The following NDFIP2 variants were observed in gnomAD, a reference collection of about 807,000 sequenced individuals.
NDFIP2 encodes Nedd4 family interacting protein 2, also known as NEDD4 family-interacting protein 2.
Under a neutral mutation model 36.0 loss-of-function variants are expected in NDFIP2, and 19 were observed. That is an observed-to-expected ratio of 0.53 (90% CI 0.37 to 0.77). NDFIP2 has a LOEUF of 0.77. Among genes scored for constraint, NDFIP2 ranks in the 30% least tolerant of loss-of-function variants. NDFIP2 has a pLI of 0.00. For synonymous variants in NDFIP2, 181 were observed against 167.7 expected, an observed-to-expected ratio of 1.08 and a Z score of -0.61; for missense variants, 446 against 435.8, an observed-to-expected ratio of 1.02 and a Z score of -0.21.
At position 79,481,230 on chromosome 13, in the gene NDFIP2, C is replaced by T; in HGVS notation, c.27C>T (p.Val9=). 2.6e-6 allele frequency: 4 copies of T among 1,521,832 alleles called. No homozygotes were observed. Among genetic ancestry groups the T allele is most frequent in the Non-Finnish European group, 3.5e-6 (4 of 1,140,334 alleles). 94.3% of individuals were successfully genotyped at this position (1,521,832 alleles called of 1,614,324 possible). A position where few individuals can be genotyped will look rare whatever the true frequency, so the allele number is the denominator to read the frequency against. Reference sequence around the variant, plus strand: ...TGGCACGCCGGCGGAGCCAGCGAGTCTGCGCGAGCGGTCCGAGCATGCTCA... The same window carrying T: ...TGGCACGCCGGCGGAGCCAGCGAGTTTGCGCGAGCGGTCCGAGCATGCTCA... MARRRSQR[V]CASGPSMLNS... Residue 9 remains valine (V), a synonymous_variant, in exon 1 of 8, where the codon GTC becomes GTT. Transcript: ENST00000218652.
intron 2 of NDFIP2, among the ~76,000 whole-genome samples, chr13:79,526,394 ATGT>A (rs1022448621): frequency 2.6e-5 from 4 of 152,320 alleles, no homozygotes; most frequent in Admixed American, 2.6e-4. Context: ...CTAGAAATAA[ATGT>A]TGTAAATCAA....
intron 1 of NDFIP2, among the ~76,000 whole-genome samples, chr13:79,491,738 G>GT (rs1432654299): frequency 3.3e-5 from 5 of 152,082 alleles, no homozygotes; most frequent in African/African-American, 1.2e-4. Flanking sequence ...TTCTACTGAC[G>GT]TTTAGTCAAT....
Position 79,499,534 on chromosome 13 carries a change from AG to A in NDFIP2, c.321+18011del, listed in dbSNP as rs1162051981. On this transcript the variant is annotated intron_variant, in intron 1 of 7. Coordinates refer to ENST00000218652, the MANE Select transcript of NDFIP2 (RefSeq NM_019080.3). ...CTGGAACTAATAAGTGATTATAGCA[AG>A]ATTGCAGGATAAATGGTTAATATAC... Among the ~76,000 whole-genome samples the A allele has an allele frequency of 3.3e-5, 5 of 152,132 alleles. No individual in the cohort carries two copies. The East Asian group carries it at 9.7e-4, about 29-fold the overall frequency.
In NDFIP2 at chr13:79,553,915, C is replaced by G. The variant is rs1313559693; in HGVS notation, c.*1402C>G. The G allele has an allele frequency of 6.6e-6, 1 of 151,566 alleles. No homozygotes were observed. The highest frequency in any genetic ancestry group is 1.5e-5 in the Non-Finnish European group (1 of 67,492). The allele number at this position is 151,566 out of a possible 1,614,324, so 9.4% of individuals were successfully genotyped here. On this transcript the variant is annotated 3_prime_UTR_variant, in exon 8 of 8. Transcript: ENST00000218652. Reference sequence around the variant, plus strand: ...AATTATTTAATACAGCTATATGGACCTTATAAAATTGATTTCTTATTTATT... The same window carrying G: ...AATTATTTAATACAGCTATATGGACGTTATAAAATTGATTTCTTATTTATT...
chr13:79,553,176 A>C lies in NDFIP2; in HGVS notation c.*663A>C, dbSNP rs1247198468. 1 of 151,474 alleles carries C rather than the reference A, an allele frequency of 6.6e-6. No homozygotes were observed. The highest frequency in any genetic ancestry group is 1.9e-4 in the East Asian group (1 of 5,196). 9.4% of individuals were successfully genotyped at this position (151,474 alleles called of 1,614,324 possible). A position where few individuals can be genotyped will look rare whatever the true frequency, so the allele number is the denominator to read the frequency against. ...ACTAATTTTAAATTAAGTGAACTAA[A>C]TATATATGTGTATATGTATACACAT... is the stretch of plus-strand genomic sequence containing the variant. On this transcript the variant is annotated 3_prime_UTR_variant, in exon 8 of 8. Transcript: ENST00000218652.
chr13:79,506,330 C>G (rs1873867389), intron 1 of NDFIP2, among the ~76,000 whole-genome samples: 1 of 152,164 alleles, frequency 6.6e-6, no homozygotes, highest in African/African-American at 2.4e-5. Flanking sequence ...CACACAGACA[C>G]AACTCTGTTA....
At chr13:79,499,685 A>G (rs146423040) in intron 1 of NDFIP2, among the ~76,000 whole-genome samples, 58 of 152,126 alleles carry the variant, frequency 3.8e-4, no homozygotes, top group African/African-American at 1.3e-3. Context: ...GACAAGATCT[A>G]TATGAGGAAA....
At chr13:79,512,160 T>C (rs1345378056) in intron 1 of NDFIP2, among the ~76,000 whole-genome samples, 1 of 152,208 alleles carries the variant, frequency 6.6e-6, no homozygotes. Context: ...AAAATGTCCT[T>C]ACTTAATTTG....
chr13:79,522,984 T>G (rs1390812487), intron 2 of NDFIP2, among the ~76,000 whole-genome samples: 3 of 152,182 alleles, frequency 2.0e-5, no homozygotes, highest in African/African-American at 7.2e-5. Flanking sequence ...AACTGCATAC[T>G]TACCCTTCCC....
At chr13:79,546,765 G>A (rs1438695693) in intron 5 of NDFIP2, among the ~76,000 whole-genome samples, 1 of 152,062 alleles carries the variant, frequency 6.6e-6, no homozygotes, top group African/African-American at 2.4e-5. Flanking sequence ...TGATGTTCAG[G>A]TTACCTGTTA....
At chr13:79,513,362 A>G in intron 1 of NDFIP2, among the ~76,000 whole-genome samples, 1 of 152,264 alleles carries the variant, frequency 6.6e-6, no homozygotes, top group East Asian at 1.9e-4. Context: ...TCAAGATATT[A>G]TACTATGGAG....
intron 2 of NDFIP2, among the ~76,000 whole-genome samples, chr13:79,530,479 G>A (rs1874973207): frequency 6.6e-6 from 1 of 152,130 alleles, no homozygotes. Context: ...TTGACTCTTT[G>A]TTTTACAAAA....
intron 2 of NDFIP2, among the ~76,000 whole-genome samples, chr13:79,522,608 G>A (rs1319448350): frequency 6.6e-6 from 1 of 152,150 alleles, no homozygotes; most frequent in Non-Finnish European, 1.5e-5. Flanking sequence ...TCTGATGGTG[G>A]CTGGGGTTGG....
In NDFIP2 at chr13:79,533,464, A is replaced by C; in HGVS notation, c.621+8A>C. ...GCAGAAACATCTCAAAGAGTAAGAA[A>C]ATTTCATCATTTCTTTTGATAAAAT... On this transcript the variant is annotated splice_region_variant and intron_variant, in intron 3 of 7. Transcript: ENST00000218652. 1.3e-6 allele frequency: 2 copies of C among 1,583,342 alleles called. No individual in the cohort carries two copies. The highest frequency in any genetic ancestry group is 2.3e-5 in the South Asian group (2 of 85,310).
chr13:79,522,978 G>A (rs1329213957), intron 2 of NDFIP2, among the ~76,000 whole-genome samples: 1 of 152,150 alleles, frequency 6.6e-6, no homozygotes, highest in Non-Finnish European at 1.5e-5. Flanking sequence ...TCTCACAACT[G>A]CATACTTACC....
At chr13:79,498,676 A>T (rs1873541427) in intron 1 of NDFIP2, among the ~76,000 whole-genome samples, 1 of 151,942 alleles carries the variant, frequency 6.6e-6, no homozygotes, top group South Asian at 2.1e-4. Context: ...CTCACCTTTT[A>T]TCAAGAACCT....
intron 2 of NDFIP2, among the ~76,000 whole-genome samples, chr13:79,528,810 C>G (rs1003815957): frequency 1.3e-5 from 2 of 152,090 alleles, no homozygotes; most frequent in Admixed American, 6.6e-5. Flanking sequence ...GTAGTAGGCT[C>G]TACACTCTAG....
At chr13:79,548,580 A>G (rs1875778256) in intron 6 of NDFIP2, among the ~76,000 whole-genome samples, 186 bp downstream of exon 6, 1 of 152,104 alleles carries the variant, frequency 6.6e-6, no homozygotes, top group Non-Finnish European at 1.5e-5. Context: ...TTTAAAATCC[A>G]GAGGCTATCA....
At chr13:79,532,413 CT>C (rs1290306819) in intron 2 of NDFIP2, among the ~76,000 whole-genome samples, 1 of 152,092 alleles carries the variant, frequency 6.6e-6, no homozygotes, top group Non-Finnish European at 1.5e-5. Context: ...TAGAACCTCC[CT>C]TTTTTGTGTG....
Sources: allele counts gnomAD v4.1 joint callset (sites outside exome capture counted in the v4.1 genomes callset), GRCh38; gene constraint gnomAD v4.1.1; transcripts MANE v1.5; gene names NCBI Gene and HGNC (gene_info 2026-07-23, HGNC 2026-07-21).